The following SECISBP2L variants were observed in gnomAD, a reference collection of about 807,000 sequenced individuals.
The protein encoded by SECISBP2L is SECIS binding protein 2 like, also known as selenocysteine insertion sequence-binding protein 2-like.
In SECISBP2L, 43 loss-of-function variants were observed where a neutral mutation model predicts 114.7. The observed-to-expected ratio is 0.38, with a 90% confidence interval of 0.29 to 0.48. The LOEUF (loss-of-function observed/expected upper bound fraction) is 0.48. SECISBP2L is among the 20% of genes least tolerant of loss of function. The pLI is 0.98. For synonymous variants in SECISBP2L, 451 were observed against 439.7 expected (o/e 1.03, Z -0.32); for missense variants, 1,136 against 1,301.1 (o/e 0.87, Z 1.95).
At chr15:48,998,253 A>C (rs2141060454) in intron 16 of SECISBP2L, among the ~76,000 whole-genome samples, 1 of 152,368 alleles carries the variant, frequency 6.6e-6, no homozygotes, top group Non-Finnish European at 1.5e-5. Flanking sequence ...ATCCAGCTGC[A>C]TTTTAAATTG....
At position 48,992,452 on chromosome 15, in the gene SECISBP2L, A is replaced by G. The variant is rs1036460430; in HGVS notation, c.3098T>C (p.Leu1033Pro). The change falls in exon 18 of 18, where the codon CTT becomes CCT. Residue 1033 changes from leucine (L) to proline (P), a missense_variant. Physicochemically the swap from Leu to Pro is moderately conservative, Grantham distance 98 (BLOSUM62 -3). Transcript: ENST00000559471. ...ETQRTMETLQ[L>P]GKTLNGSEED... ...CTCAGAACCATTAAGGGTTTTTCCA[A>G]GCTGAAGGGTTTCCATAGTTCTCTG... 1.2e-6 allele frequency: 2 copies of G among 1,614,028 alleles called. No homozygotes were observed. The highest frequency in any genetic ancestry group is 2.7e-5 in the African/African-American group (2 of 74,908).
chr15:48,996,772 A>G (rs1371553388), intron 16 of SECISBP2L, among the ~76,000 whole-genome samples, 186 bp from the exon 17 acceptor site: 1 of 152,240 alleles, frequency 6.6e-6, no homozygotes, highest in Non-Finnish European at 1.5e-5. Flanking sequence ...TGTTTATTTA[A>G]TTCTCACAAG....
rs1566861367 is a variant in SECISBP2L at position 49,031,133 on chromosome 15, C to CCGCCTACCAGGTTCAAGTGATT, written c.664+1810_664+1831dup. Among the ~76,000 whole-genome samples the CCGCCTACCAGGTTCAAGTGATT allele has an allele frequency of 2.7e-5, 4 of 147,572 alleles. No individual in the cohort carries two copies. In the South Asian group the frequency reaches 6.6e-4, roughly 24 times the overall value. On this transcript the variant is annotated intron_variant, in intron 4 of 17. Coordinates refer to ENST00000559471, the MANE Select transcript of SECISBP2L (RefSeq NM_001193489.2). ...ATGTGATCTCGGCTCACTGCAACCTCCGCCTACCAGGTTCAAGTGATTCTC... is the reference window on the plus strand; with the variant it reads ...ATGTGATCTCGGCTCACTGCAACCTCCGCCTACCAGGTTCAAGTGATTCGCCTACCAGGTTCAAGTGATTCTC...
chr15:49,033,966 A>G (rs1349334657), intron 3 of SECISBP2L, among the ~76,000 whole-genome samples: 1 of 152,236 alleles, frequency 6.6e-6, no homozygotes, highest in Non-Finnish European at 1.5e-5. Flanking sequence ...CTGAAATTGA[A>G]GTGCTGGGAA....
intron 1 of SECISBP2L, among the ~76,000 whole-genome samples, chr15:49,039,008 T>C (rs1389536749): frequency 6.6e-6 from 1 of 152,154 alleles, no homozygotes; most frequent in South Asian, 2.1e-4. Flanking sequence ...AGATGAGATA[T>C]GCTCATTTGT....
chr15:49,007,547 A>G (rs11070676), intron 14 of SECISBP2L, among the ~76,000 whole-genome samples: 151,430 of 152,302 alleles, frequency 0.99, 75,286 homozygotes, highest in Middle Eastern at 1. Flanking sequence ...TGCCGAGCTC[A>G]ATTCAGATAG....
rs1427714253 is a variant in SECISBP2L at position 49,046,269 on chromosome 15, C to T, written c.24+7G>A. The stretch of plus-strand genomic sequence containing the variant: ...CGGCTCGGCGGGCCCAGCCCAAACC[C>T]GCGTACCTGCTCCGTGGGGGCTCGG... On this transcript the variant is annotated splice_region_variant and intron_variant, in intron 1 of 17. Coordinates refer to ENST00000559471, the MANE Select transcript of SECISBP2L (RefSeq NM_001193489.2). 2 of 1,563,390 alleles carry T rather than the reference C, an allele frequency of 1.3e-6. No homozygotes were observed. The highest frequency in any genetic ancestry group is 1.7e-6 in the Non-Finnish European group (2 of 1,157,074).
At position 48,996,534 on chromosome 15, in the gene SECISBP2L, T is replaced by C; in HGVS notation, c.2456A>G (p.Lys819Arg). The C allele has an allele frequency of 6.2e-7, 1 of 1,614,136 alleles. No homozygotes were observed. The highest frequency in any genetic ancestry group is 8.5e-7 in the Non-Finnish European group (1 of 1,180,008). The change falls in exon 17 of 18, where the codon AAA (lysine) becomes AGA (arginine). Residue 819 changes from lysine (K) to arginine (R), a missense_variant. By Grantham distance (26) the Lys-to-Arg change is conservative (BLOSUM62 2). Transcript: ENST00000559471. ...CTGTTCCATTGCTGCAACCATATCT[T>C]TATATGCTTTCCTGGCCTCCTCAGT... Reference protein sequence around the residue: ...ELTEEARKAYKDMVAAMEQEQ... With the variant: ...ELTEEARKAYRDMVAAMEQEQ...
chr15:49,010,124 G>GACACATACACACACACACAC (rs1902407003), intron 13 of SECISBP2L, among the ~76,000 whole-genome samples: 1 of 138,748 alleles, frequency 7.2e-6, no homozygotes, highest in South Asian at 2.4e-4. Flanking sequence ...AACAGAGGCA[G>GACACATACACACACACACAC]ACACACACAC....
In SECISBP2L at chr15:48,991,899, A is replaced by G. The variant is rs577386384; in HGVS notation, c.*345T>C. ...AGGTGGAGTCCTGAAGCAAACACTG[A>G]TAACTGCTTCTATCCTTAGAACCTT... On this transcript the variant is annotated 3_prime_UTR_variant, in exon 18 of 18. Coordinates refer to ENST00000559471, the MANE Select transcript of SECISBP2L (RefSeq NM_001193489.2). The G allele has an allele frequency of 2.3e-4, 39 of 172,578 alleles. No individual in the cohort carries two copies. The highest frequency in any genetic ancestry group is 9.3e-4 in the African/African-American group (39 of 42,142). 10.7% of individuals were successfully genotyped at this position (172,578 alleles called of 1,614,324 possible).
In SECISBP2L at chr15:49,027,357, C is replaced by A; in HGVS notation, c.1035+8G>T. On this transcript the variant is annotated splice_region_variant and intron_variant, in intron 7 of 17. Transcript: ENST00000559471. Reference sequence around the variant, plus strand: ...CTAATCAATTTTCTCCAACCTAATTCGAATTACCTGTGAATTATTTCTTTG... The same window carrying A: ...CTAATCAATTTTCTCCAACCTAATTAGAATTACCTGTGAATTATTTCTTTG... The A allele has an allele frequency of 6.3e-7, 1 of 1,594,024 alleles. No homozygotes were observed. The highest frequency in any genetic ancestry group is 8.6e-7 in the Non-Finnish European group (1 of 1,163,848).
intron 12 of SECISBP2L, 125 bp from the exon 13 acceptor site, chr15:49,011,988 C>T: frequency 9.1e-7 from 1 of 1,095,128 alleles, no homozygotes; most frequent in Admixed American, 2.5e-5. Flanking sequence ...GTTTGGCTAA[C>T]TGGCAAAAAG....
intron 8 of SECISBP2L, 90 bp downstream of exon 8, chr15:49,019,328 A>C: frequency 6.7e-6 from 7 of 1,051,286 alleles, no homozygotes; most frequent in Non-Finnish European, 8.6e-6. Context: ...AAGACATAAA[A>C]AGTACTCACA....
At chr15:49,022,327 C>T (rs1448178991) in intron 7 of SECISBP2L, among the ~76,000 whole-genome samples, 1 of 152,158 alleles carries the variant, frequency 6.6e-6, no homozygotes, top group African/African-American at 2.4e-5. Flanking sequence ...AAGCCAGGTG[C>T]GGTGGCTCAT....
chr15:49,027,578 G>C, intron 6 of SECISBP2L, 98 bp from the exon 7 acceptor site: 3 of 584,446 alleles, frequency 5.1e-6, no homozygotes, highest in Non-Finnish European at 8.5e-6. Context: ...CACTAGAAAT[G>C]TAATAGTGAA....
At chr15:49,045,498 G>A (rs886829044) in intron 1 of SECISBP2L, among the ~76,000 whole-genome samples, 1 of 152,112 alleles carries the variant, frequency 6.6e-6, no homozygotes, top group Non-Finnish European at 1.5e-5. Flanking sequence ...AAAATACTGG[G>A]GGGGAAACTA....
chr15:48,997,850 C>G (rs1262151091), intron 16 of SECISBP2L, among the ~76,000 whole-genome samples: 1 of 151,980 alleles, frequency 6.6e-6, no homozygotes, highest in African/African-American at 2.4e-5. Context: ...GCCTGGGCAA[C>G]AAGAGTGAAC....
intron 14 of SECISBP2L, 63 bp downstream of exon 14, chr15:49,009,153 A>G: frequency 6.5e-7 from 1 of 1,528,808 alleles, no homozygotes; most frequent in East Asian, 2.3e-5. Flanking sequence ...TGACAATACT[A>G]AATTCAGAAC....
intron 2 of SECISBP2L, among the ~76,000 whole-genome samples, chr15:49,036,945 G>C (rs1903021688): frequency 6.6e-6 from 1 of 152,052 alleles, no homozygotes; most frequent in Non-Finnish European, 1.5e-5. Flanking sequence ...GACATAACTT[G>C]AAAAAGGCTG....
Sources: gnomAD v4.1 joint callset for allele counts (sites outside exome capture counted in the v4.1 genomes callset) on GRCh38, gnomAD v4.1.1 for gene constraint, MANE v1.5 for transcripts, NCBI Gene and HGNC (gene_info 2026-07-23, HGNC 2026-07-21) for gene names.